The following TNFRSF11A variants were observed in gnomAD, a reference collection of about 807,000 sequenced individuals.
TNFRSF11A encodes the protein TNF receptor superfamily member 11a.
Under a neutral mutation model 55.7 loss-of-function variants are expected in TNFRSF11A, and 32 were observed. The observed-to-expected ratio is 0.57, with a 90% CI of 0.43 to 0.77. The LOEUF (loss-of-function observed/expected upper bound fraction) is 0.77, where lower values mean the gene tolerates loss of function less well. Among genes scored for constraint, TNFRSF11A ranks in the 30% least tolerant of loss-of-function variants. The probability of loss-of-function intolerance (pLI) is 0.00; values close to 1 mark genes in which losing one functional copy is unlikely to be tolerated. For missense variants in TNFRSF11A, 753 were observed against 809.8 expected (o/e 0.93, Z 0.85); for synonymous variants, 311 against 331.0 (o/e 0.94, Z 0.65).
intron 3 of TNFRSF11A, among the ~76,000 whole-genome samples, chr18:62,351,955 C>T (rs1447310810): frequency 1.3e-5 from 2 of 152,170 alleles, no homozygotes; most frequent in Non-Finnish European, 2.9e-5. Context: ...TGCCACCATG[C>T]CCTGCTAACT....
rs543068444 is a variant in TNFRSF11A at position 62,390,810 on chromosome 18, T to C, written c.*5776T>C. On this transcript the variant is annotated 3_prime_UTR_variant, in exon 10 of 10. Coordinates refer to ENST00000586569, the MANE Select transcript of TNFRSF11A (RefSeq NM_003839.4). ...GTTTAAAGTTCTTAGAAGAGCTTTC[T>C]CTAAATATTTACTCTGTCAGTGGAA... 1.4e-4 allele frequency: 21 copies of C among 152,356 alleles called. No individual in the cohort carries two copies. Among genetic ancestry groups the C allele is most frequent in the African/African-American group, 5.1e-4 (21 of 41,580 alleles). The allele number at this position is 152,356 out of a possible 1,614,324, so 9.4% of individuals were successfully genotyped here. A position where few individuals can be genotyped will look rare whatever the true frequency, so the allele number is the denominator to read the frequency against.
At chr18:62,342,427 C>CAAAAAAAAAA (rs2046327430) in intron 1 of TNFRSF11A, among the ~76,000 whole-genome samples, 1 of 82,602 alleles carries the variant, frequency 1.2e-5, no homozygotes, top group Non-Finnish European at 3.1e-5. Flanking sequence ...AAAAAAAAAT[C>CAAAAAAAAAA]CTATATTCTG....
intron 1 of TNFRSF11A, among the ~76,000 whole-genome samples, chr18:62,334,014 C>T (rs1267693902): frequency 6.6e-6 from 1 of 151,958 alleles, no homozygotes; most frequent in South Asian, 2.1e-4. Flanking sequence ...TACAGGTGCT[C>T]GTCACCATGC....
chr18:62,361,919 C>T (rs966742198), intron 7 of TNFRSF11A, 126 bp downstream of exon 7: 32 of 881,416 alleles, frequency 3.6e-5, no homozygotes, highest in South Asian at 1.3e-4. Flanking sequence ...AAGCAAAACA[C>T]GTTTTATCAT....
intron 1 of TNFRSF11A, among the ~76,000 whole-genome samples, chr18:62,336,023 G>C (rs1403065208): frequency 6.6e-6 from 1 of 152,222 alleles, no homozygotes; most frequent in African/African-American, 2.4e-5. Context: ...CTGGCACGTA[G>C]TAGATATTTC....
intron 1 of TNFRSF11A, among the ~76,000 whole-genome samples, chr18:62,344,916 A>G (rs1217043962): frequency 1.3e-5 from 2 of 152,234 alleles, no homozygotes; most frequent in South Asian, 2.1e-4. Flanking sequence ...GATCCAGGGC[A>G]GTCTAACGGG....
chr18:62,381,245 AT>A (rs1459565485), intron 9 of TNFRSF11A, among the ~76,000 whole-genome samples: 2 of 152,262 alleles, frequency 1.3e-5, no homozygotes, highest in African/African-American at 4.8e-5. Flanking sequence ...TATTTAGGTT[AT>A]CAGTATCAAA....
At chr18:62,378,880 C>T (rs962373350) in intron 9 of TNFRSF11A, among the ~76,000 whole-genome samples, 2 of 152,156 alleles carry the variant, frequency 1.3e-5, no homozygotes, top group African/African-American at 4.8e-5. Flanking sequence ...ACATTTCTGC[C>T]CCTCCTGAAT....
rs542179935 is a variant in TNFRSF11A at position 62,349,138 on chromosome 18, G to A, written c.158-674G>A. Among the ~76,000 whole-genome samples, 5 of 151,926 alleles carry A rather than the reference G, an allele frequency of 3.3e-5. No individual in the cohort carries two copies. The East Asian group carries it at 5.8e-4, about 18-fold the overall frequency. On this transcript the variant is annotated intron_variant, in intron 2 of 9. Coordinates refer to ENST00000586569, the MANE Select transcript of TNFRSF11A (RefSeq NM_003839.4). ...TTCCAGGGAATCTTTCAAGTTCTGC[G>A]GCCCAGTTTAAAATCATCATTCTAT... is the stretch of plus-strand genomic sequence containing the variant.
rs556283100 is a variant in TNFRSF11A at position 62,367,943 on chromosome 18, G to A, written c.784-758G>A. On this transcript the variant is annotated intron_variant, in intron 8 of 9. Coordinates refer to ENST00000586569, the MANE Select transcript of TNFRSF11A (RefSeq NM_003839.4). ...TGAGTATCTGGGATTACAGGTGCCC[G>A]CCACCACACCCAACTAATTTTTGTA... is the stretch of plus-strand genomic sequence containing the variant. Among the ~76,000 whole-genome samples, 363 of 151,632 alleles carry A rather than the reference G, an allele frequency of 2.4e-3. 1 individual carries two copies. Among genetic ancestry groups the A allele is most frequent in the African/African-American group, 8.2e-3 (338 of 41,362 alleles).
chr18:62,387,323 G>T lies in TNFRSF11A; in HGVS notation c.*2289G>T, dbSNP rs1439582614. 2 of 152,212 alleles carry T rather than the reference G, an allele frequency of 1.3e-5. No individual in the cohort carries two copies. Among genetic ancestry groups the T allele is most frequent in the African/African-American group, 4.8e-5 (2 of 41,458 alleles). 9.4% of individuals were successfully genotyped at this position (152,212 alleles called of 1,614,324 possible). On this transcript the variant is annotated 3_prime_UTR_variant, in exon 10 of 10. Coordinates refer to ENST00000586569, the MANE Select transcript of TNFRSF11A (RefSeq NM_003839.4). ...GTGTCTGTGTACTGTAGAGATGTAT[G>T]TGACAAGTGTAAACAAAATGAACTG...
At chr18:62,364,186 G>A (rs1431269967) in intron 7 of TNFRSF11A, among the ~76,000 whole-genome samples, 1 of 152,234 alleles carries the variant, frequency 6.6e-6, no homozygotes, top group Non-Finnish European at 1.5e-5. Context: ...TGAAAGACAA[G>A]TCAGAATTCA....
In TNFRSF11A at chr18:62,331,225, G is replaced by GTAAA. The variant is rs5825487; in HGVS notation, c.75+5818_75+5821dup. ...CCCAAAGTAAATAAATAAATAAATAGTAAATAAATAAATAAATAAATAAGA... is the reference window on the plus strand; with the variant it reads ...CCCAAAGTAAATAAATAAATAAATAGTAAATAAATAAATAAATAAATAAATAAGA... On this transcript the variant is annotated intron_variant, in intron 1 of 9. Transcript: ENST00000586569. 1.4e-3 allele frequency among the ~76,000 whole-genome samples: 210 copies of GTAAA among 150,236 alleles called. 1 individual carries two copies. Among genetic ancestry groups the GTAAA allele is most frequent in the African/African-American group, 4.3e-3 (175 of 40,908 alleles).
chr18:62,331,096 C>T (rs191420803), intron 1 of TNFRSF11A, among the ~76,000 whole-genome samples: 3 of 152,112 alleles, frequency 2.0e-5, no homozygotes, highest in Admixed American at 6.5e-5. Context: ...CCCAGCTGCT[C>T]GGGAGGCTGA....
intron 9 of TNFRSF11A, among the ~76,000 whole-genome samples, chr18:62,378,470 T>C (rs1163479987): frequency 6.6e-6 from 1 of 152,222 alleles, no homozygotes; most frequent in African/African-American, 2.4e-5. Flanking sequence ...ATTGAGATCC[T>C]CTAACAAGAC....
Position 62,340,047 on chromosome 18 carries a change from CAG to C in TNFRSF11A, c.76-8120_76-8119del, listed in dbSNP as rs79018368. The stretch of plus-strand genomic sequence containing the variant: ...CCTAGGCCTTGTAGTCCCAGCTACT[CAG>C]GGGCTGGCATGGGAAGATGGCATGA... On this transcript the variant is annotated intron_variant, in intron 1 of 9. Transcript: ENST00000586569. 1.4e-3 allele frequency among the ~76,000 whole-genome samples: 213 copies of C among 152,066 alleles called. 6 individuals carry two copies. Among genetic ancestry groups the C allele is most frequent in the Admixed American group, 0.012 (188 of 15,292 alleles).
chr18:62,336,144 A>G (rs567263632), intron 1 of TNFRSF11A, among the ~76,000 whole-genome samples: 1 of 152,214 alleles, frequency 6.6e-6, no homozygotes, highest in Non-Finnish European at 1.5e-5. Flanking sequence ...AGAGATGACT[A>G]TGCAGTGTTT....
At chr18:62,358,182 CT>C in intron 4 of TNFRSF11A, 65 bp from the exon 5 acceptor site, 2 of 1,503,462 alleles carry the variant, frequency 1.3e-6, no homozygotes, top group Non-Finnish European at 1.8e-6. Context: ...CCTGGATGAT[CT>C]CTAAGTGACC....
chr18:62,325,369 G>A lies in TNFRSF11A; in HGVS notation c.17G>A (p.Arg6Gln), dbSNP rs1405874976. 4.8e-6 allele frequency: 5 copies of A among 1,046,214 alleles called. No homozygotes were observed. Among genetic ancestry groups the A allele is most frequent in the Non-Finnish European group, 4.6e-6 (4 of 873,000 alleles). The allele number at this position is 1,046,214 out of a possible 1,614,324, so 64.8% of individuals were successfully genotyped here. Residue 6 changes from arginine to glutamine, a missense_variant, in exon 1 of 10, where the codon CGG becomes CAG. Physicochemically the swap from Arg to Gln is conservative, Grantham distance 43 (BLOSUM62 1). Transcript: ENST00000586569. This position sits in a 1 kb window ranked among gnomAD's most constrained non-coding sequence, Gnocchi z 4.7. ...TCCCGCGCCATGGCCCCGCGCGCCC[G>A]GCGGCGCCGCCCGCTGTTCGCGCTG... MAPRA[R>Q]RRRPLFALLL...
Sources: gnomAD v4.1 joint callset for allele counts (sites outside exome capture counted in the v4.1 genomes callset) on GRCh38, gnomAD v4.1.1 for gene constraint, Gnocchi (gnomAD v3.1) non-coding constraint, MANE v1.5 for transcripts, NCBI Gene and HGNC (gene_info 2026-07-23, HGNC 2026-07-21) for gene names.